PYGO1: variants seen among roughly 807,000 people sequenced by gnomAD.
PYGO1 encodes the protein pygopus family PHD finger 1.
A neutral mutation model predicts 29.5 loss-of-function variants in PYGO1; 6 were observed. The observed-to-expected ratio is 0.20, with a 90% CI of 0.11 to 0.40. PYGO1 has a LOEUF of 0.40. Among genes scored for constraint, PYGO1 ranks in the 10% least tolerant of loss-of-function variants. PYGO1 has a pLI of 1.00. For missense variants in PYGO1, 515 were observed against 514.9 expected (o/e 1.00, Z 0.00); for synonymous variants, 186 against 180.5 (o/e 1.03, Z -0.24).
chr15:55,586,546 G>GAATC (rs1403639362), intron 1 of PYGO1, among the ~76,000 whole-genome samples: 1 of 152,128 alleles, frequency 6.6e-6, no homozygotes, highest in Non-Finnish European at 1.5e-5. Flanking sequence ...CACTTTTCAA[G>GAATC]AATCAAATAA....
chr15:55,571,671 A>G (rs2058980768), intron 1 of PYGO1, among the ~76,000 whole-genome samples: 1 of 152,206 alleles, frequency 6.6e-6, no homozygotes, highest in African/African-American at 2.4e-5. Context: ...CTCCAGCCAC[A>G]TGGAACTGTA....
At position 55,545,961 on chromosome 15, in the gene PYGO1, C is replaced by A; in HGVS notation, c.*62G>T. On this transcript the variant is annotated 3_prime_UTR_variant, in exon 3 of 3. Coordinates refer to ENST00000563719, the MANE Select transcript of PYGO1 (RefSeq NM_001367806.1). ...AAAAAATAATGTAAAACATTAAAATCCTGTGTCAATGAACTTCTGCAATGC... is the reference window on the plus strand; with the variant it reads ...AAAAAATAATGTAAAACATTAAAATACTGTGTCAATGAACTTCTGCAATGC... 2.1e-6 allele frequency: 3 copies of A among 1,441,930 alleles called. No homozygotes were observed. Among genetic ancestry groups the A allele is most frequent in the South Asian group, 2.8e-5 (2 of 70,240 alleles). The allele number at this position is 1,441,930 out of a possible 1,614,324, so 89.3% of individuals were successfully genotyped here. A position where few individuals can be genotyped will look rare whatever the true frequency, so the allele number is the denominator to read the frequency against.
intron 1 of PYGO1, among the ~76,000 whole-genome samples, chr15:55,565,979 T>C (rs1338547065): frequency 6.6e-6 from 1 of 152,148 alleles, no homozygotes; most frequent in Non-Finnish European, 1.5e-5. Context: ...ACAGCGGTTC[T>C]ACCATGTTGG....
chr15:55,546,655 A>T lies in PYGO1; in HGVS notation c.628T>A (p.Ser210Thr). 6.2e-7 allele frequency: 1 copy of T among 1,614,044 alleles called. No homozygotes were observed. The highest frequency in any genetic ancestry group is 8.5e-7 in the Non-Finnish European group (1 of 1,179,992). Residue 210 changes from serine (S) to threonine (T), a missense_variant, in exon 3 of 3, where the codon TCA becomes ACA. Physicochemically the swap from Ser to Thr is moderately conservative, Grantham distance 58. Transcript: ENST00000563719. Reference sequence around the variant, plus strand: ...GATTCTAACGGAGAAGTAAAATTTGAATTATTTCCAGGAACAAAATTAGAT... The same window carrying T: ...GATTCTAACGGAGAAGTAAAATTTGTATTATTTCCAGGAACAAAATTAGAT... ...LASNFVPGNNSNFTSPLESNH... is the reference protein window; with the variant it reads ...LASNFVPGNNTNFTSPLESNH...
At chr15:55,564,885 A>G (rs2058948470) in intron 1 of PYGO1, among the ~76,000 whole-genome samples, 2 of 152,168 alleles carry the variant, frequency 1.3e-5, no homozygotes, top group Non-Finnish European at 2.9e-5. Context: ...CTCCAATCTC[A>G]TCATTCTTGT....
rs1177039320 is a variant in PYGO1, at chr15:55,539,273, T to C, written c.*6750A>G. Reference sequence around the variant, plus strand: ...AATATCTCAAAAAGAAAAAGGAGAATTGGCTTACCATTATTTAAGTAGTTA... The same window carrying C: ...AATATCTCAAAAAGAAAAAGGAGAACTGGCTTACCATTATTTAAGTAGTTA... On this transcript the variant is annotated 3_prime_UTR_variant, in exon 3 of 3. Coordinates refer to ENST00000563719, the MANE Select transcript of PYGO1 (RefSeq NM_001367806.1). The C allele has an allele frequency of 6.6e-6, 1 of 152,152 alleles. No individual in the cohort carries two copies. Among genetic ancestry groups the C allele is most frequent in the Non-Finnish European group, 1.5e-5 (1 of 67,998 alleles). 9.4% of individuals were successfully genotyped at this position (152,152 alleles called of 1,614,324 possible).
At chr15:55,569,949 T>A (rs1363802705) in intron 1 of PYGO1, among the ~76,000 whole-genome samples, 1 of 152,194 alleles carries the variant, frequency 6.6e-6, no homozygotes, top group Non-Finnish European at 1.5e-5. Flanking sequence ...GCTCTCAGGG[T>A]CTTGGAAAAT....
rs533406563 is a variant in PYGO1, at chr15:55,548,232, C to G, written c.135+678G>C. Reference sequence around the variant, plus strand: ...AAGGGCTTTCCCCATGTTGGCCAGTCTGGTCTCGAACTCCTGGCCTCAAGT... The same window carrying G: ...AAGGGCTTTCCCCATGTTGGCCAGTGTGGTCTCGAACTCCTGGCCTCAAGT... On this transcript the variant is annotated intron_variant, in intron 2 of 2. Transcript: ENST00000563719. 2.9e-3 allele frequency among the ~76,000 whole-genome samples: 442 copies of G among 151,764 alleles called. 2 individuals are homozygous for G. The highest frequency in any genetic ancestry group is 5.0e-3 in the Non-Finnish European group (341 of 67,926).
intron 1 of PYGO1, among the ~76,000 whole-genome samples, chr15:55,555,340 G>A (rs2058899446): frequency 6.6e-6 from 1 of 151,870 alleles, no homozygotes; most frequent in African/African-American, 2.4e-5. Context: ...AGCCTGCCTT[G>A]CAAGAGCTCC....
chr15:55,540,155 G>A lies in PYGO1; in HGVS notation c.*5868C>T, dbSNP rs1001885108. 6.6e-5 allele frequency: 10 copies of A among 151,948 alleles called. No individual in the cohort carries two copies. The highest frequency in any genetic ancestry group is 2.1e-4 in the South Asian group (1 of 4,816). The allele number at this position is 151,948 out of a possible 1,614,324, so 9.4% of individuals were successfully genotyped here. The stretch of plus-strand genomic sequence containing the variant: ...AGATGAAACATTTTTCTTTAAAATC[G>A]TGATTATAACCTTTATTACCAAATC... On this transcript the variant is annotated 3_prime_UTR_variant, in exon 3 of 3. Transcript: ENST00000563719.
intron 1 of PYGO1, among the ~76,000 whole-genome samples, chr15:55,558,982 A>G (rs2058920324): frequency 1.3e-5 from 2 of 151,986 alleles, no homozygotes; most frequent in African/African-American, 4.8e-5. Context: ...AAATTGACAA[A>G]TGGGATCTAA....
chr15:55,587,405 G>A lies in PYGO1; in HGVS notation c.49+430C>T, dbSNP rs369039444. ...GGGCGAGAAGGGGGCCAGGAGAGACGTGAAAGCCCAGGAGCCCTTCTTCAA... is the reference window on the plus strand; with the variant it reads ...GGGCGAGAAGGGGGCCAGGAGAGACATGAAAGCCCAGGAGCCCTTCTTCAA... On this transcript the variant is annotated intron_variant, in intron 1 of 2. Transcript: ENST00000563719. Among the ~76,000 whole-genome samples, 33 of 152,024 alleles carry A rather than the reference G, an allele frequency of 2.2e-4. No individual in the cohort carries two copies. In the East Asian group the frequency reaches 5.8e-3, roughly 27 times the overall value.
intron 1 of PYGO1, among the ~76,000 whole-genome samples, chr15:55,575,309 A>G (rs918946367): frequency 6.6e-6 from 1 of 152,178 alleles, no homozygotes; most frequent in African/African-American, 2.4e-5. Context: ...CCCTCAGGTA[A>G]TACAGATACT....
intron 1 of PYGO1, 142 bp downstream of exon 1, chr15:55,587,693 C>T (rs982837361): frequency 8.5e-7 from 1 of 1,170,416 alleles, no homozygotes; most frequent in Non-Finnish European, 1.1e-6. Context: ...CGGATCGCAG[C>T]CTCGGCCCCG....
In PYGO1 at chr15:55,545,893, A is replaced by T; in HGVS notation, c.*130T>A. 1 of 1,080,438 alleles carries T rather than the reference A, an allele frequency of 9.3e-7. No individual in the cohort carries two copies. The highest frequency in any genetic ancestry group is 1.3e-6 in the Non-Finnish European group (1 of 773,838). The allele number at this position is 1,080,438 out of a possible 1,614,324, so 66.9% of individuals were successfully genotyped here. A position where few individuals can be genotyped will look rare whatever the true frequency, so the allele number is the denominator to read the frequency against. ...AAAAATTTGCTCTAGTGATGAAGTG[A>T]TTAATAAAAACTAAGTAAATAATGT... On this transcript the variant is annotated 3_prime_UTR_variant, in exon 3 of 3. Transcript: ENST00000563719.
chr15:55,557,397 T>C (rs974643051), intron 1 of PYGO1, among the ~76,000 whole-genome samples: 6 of 152,154 alleles, frequency 3.9e-5, no homozygotes, highest in African/African-American at 9.7e-5. Flanking sequence ...GATTCACAGC[T>C]GAATTCTACC....
At chr15:55,575,907 A>T (rs1465427697) in intron 1 of PYGO1, among the ~76,000 whole-genome samples, 1 of 152,142 alleles carries the variant, frequency 6.6e-6, no homozygotes, top group African/African-American at 2.4e-5. Flanking sequence ...GTACAATTTA[A>T]TAATTTCAGC....
intron 1 of PYGO1, among the ~76,000 whole-genome samples, chr15:55,556,806 A>T (rs1397286136): frequency 6.6e-6 from 1 of 151,946 alleles, no homozygotes; most frequent in African/African-American, 2.4e-5. Context: ...AAAGGGGGAT[A>T]TCACCACTGA....
At position 55,573,425 on chromosome 15, in the gene PYGO1, C is replaced by A. The variant is rs796595927; in HGVS notation, c.49+14410G>T. 1.3e-4 allele frequency among the ~76,000 whole-genome samples: 20 copies of A among 152,206 alleles called. 1 individual carries two copies. The highest frequency in any genetic ancestry group is 4.8e-4 in the African/African-American group (20 of 41,534). ...AGTTGGTACAGCCATTAAAGAGAAG[C>A]CTGGAAGTTCCTCAAGAAATTAAAA... On this transcript the variant is annotated intron_variant, in intron 1 of 2. Transcript: ENST00000563719.
Sources: gnomAD v4.1 joint callset for allele counts (sites outside exome capture counted in the v4.1 genomes callset) on GRCh38, gnomAD v4.1.1 for gene constraint, MANE v1.5 for transcripts, NCBI Gene and HGNC (gene_info 2026-07-23, HGNC 2026-07-21) for gene names.